Variants in RPRD1B observed in about 807,000 individuals in gnomAD.
The protein encoded by RPRD1B is regulation of nuclear pre-mRNA domain containing 1B.
RPRD1B carries 11 observed loss-of-function variants against 41.5 expected under a neutral mutation model. The ratio of observed to expected loss-of-function variants is 0.27; its 90% CI spans 0.17 to 0.44. The LOEUF is 0.44. Ranked by LOEUF, RPRD1B falls within the 20% of genes least tolerant of loss-of-function variation. The probability of loss-of-function intolerance (pLI) is 1.00; values close to 1 mark genes in which losing one functional copy is unlikely to be tolerated. For synonymous variants in RPRD1B, 158 were observed against 155.6 expected, an observed-to-expected ratio of 1.02 and a Z score of -0.12; for missense variants, 248 against 389.9, an observed-to-expected ratio of 0.64 and a Z score of 3.06.
intron 5 of RPRD1B, among the ~76,000 whole-genome samples, chr20:38,061,234 T>C (rs1254123585): frequency 6.6e-6 from 1 of 152,356 alleles, no homozygotes; most frequent in East Asian, 1.9e-4. Flanking sequence ...TCCAGAGTTC[T>C]TTTCGTCTTG....
intron 5 of RPRD1B, among the ~76,000 whole-genome samples, chr20:38,061,995 C>T (rs1460693916): frequency 6.6e-6 from 1 of 151,972 alleles, no homozygotes; most frequent in Non-Finnish European, 1.5e-5. Flanking sequence ...TTAAGAGGGC[C>T]CAGTGTAATC....
chr20:38,056,748 T>C (rs1405049054), intron 3 of RPRD1B, among the ~76,000 whole-genome samples: 1 of 152,268 alleles, frequency 6.6e-6, no homozygotes, highest in African/African-American at 2.4e-5. Context: ...AAGGAAACTA[T>C]TGCAATGCCA....
intron 2 of RPRD1B, among the ~76,000 whole-genome samples, chr20:38,045,407 T>C (rs960037542): frequency 1.3e-5 from 2 of 152,254 alleles, no homozygotes; most frequent in African/African-American, 2.4e-5. Context: ...ACCTAATCAG[T>C]AGAAAGATTT....
chr20:38,048,584 T>C (rs2074145148), intron 3 of RPRD1B, 103 bp downstream of exon 3: 17 of 1,491,488 alleles, frequency 1.1e-5, no homozygotes, highest in Non-Finnish European at 1.5e-5. Flanking sequence ...AGCGATTTTA[T>C]GATTCTTCAG....
rs766109445 is a variant in RPRD1B, at chr20:38,086,946, G to T, written c.832-2780G>T. 2.6e-4 allele frequency among the ~76,000 whole-genome samples: 40 copies of T among 151,836 alleles called. 1 individual carries two copies. Among genetic ancestry groups the T allele is most frequent in the South Asian group, 8.3e-4 (4 of 4,794 alleles). On this transcript the variant is annotated intron_variant, in intron 6 of 6. Coordinates refer to ENST00000373433, the MANE Select transcript of RPRD1B (RefSeq NM_021215.4). ...AACAACTGTTGTTTGGTTTTTTGGG[G>T]TTTTTTTTGTTTTTTTGTTTATTTT...
chr20:38,064,444 C>T (rs1336242100), intron 5 of RPRD1B, among the ~76,000 whole-genome samples: 1 of 152,214 alleles, frequency 6.6e-6, no homozygotes, highest in Non-Finnish European at 1.5e-5. Context: ...TAGGGAATGT[C>T]ATGGAACTGT....
At chr20:38,035,529 T>C (rs2073993287) in intron 1 of RPRD1B, among the ~76,000 whole-genome samples, 1 of 152,182 alleles carries the variant, frequency 6.6e-6, no homozygotes, top group Non-Finnish European at 1.5e-5. Context: ...GTTCTAGCCC[T>C]TTAGCAGGGA....
At chr20:38,039,442 T>A (rs2074040623) in intron 1 of RPRD1B, among the ~76,000 whole-genome samples, 1 of 152,026 alleles carries the variant, frequency 6.6e-6, no homozygotes, top group South Asian at 2.1e-4. Context: ...TTTGCTCTTG[T>A]TGCCCAGGCT....
chr20:38,076,905 C>CTTTTTTTTT (rs1568660539), intron 6 of RPRD1B, among the ~76,000 whole-genome samples: 8 of 95,204 alleles, frequency 8.4e-5, no homozygotes, highest in African/African-American at 2.9e-4. Context: ...TCATTCTGGA[C>CTTTTTTTTT]CTTTTTTTTT....
intron 5 of RPRD1B, among the ~76,000 whole-genome samples, chr20:38,062,156 A>G (rs2074304195): frequency 6.6e-6 from 1 of 152,160 alleles, no homozygotes; most frequent in African/African-American, 2.4e-5. Flanking sequence ...AAGCCACTAA[A>G]TTTGTGGTAA....
chr20:38,085,717 A>G (rs1350329866), intron 6 of RPRD1B: 1 of 152,390 alleles, frequency 6.6e-6, no homozygotes, highest in Non-Finnish European at 1.5e-5. Context: ...CCCAAAGAGA[A>G]TAACCTGGAA....
intron 5 of RPRD1B, among the ~76,000 whole-genome samples, chr20:38,063,996 C>G (rs2074327524): frequency 6.6e-6 from 1 of 152,060 alleles, no homozygotes; most frequent in Non-Finnish European, 1.5e-5. Flanking sequence ...TAGTATTTGC[C>G]ATTTTTTGCC....
At chr20:38,059,637 G>C in intron 5 of RPRD1B, 117 bp downstream of exon 5, 1 of 978,706 alleles carries the variant, frequency 1.0e-6, no homozygotes, top group Non-Finnish European at 1.4e-6. Flanking sequence ...TGTATTGGTT[G>C]CTCTACCATC....
At position 38,090,169 on chromosome 20, in the gene RPRD1B, T is replaced by G; in HGVS notation, c.*294T>G. The G allele has an allele frequency of 1.8e-6, 2 of 1,086,050 alleles. No individual in the cohort carries two copies. Among genetic ancestry groups the G allele is most frequent in the Non-Finnish European group, 2.2e-6 (2 of 893,554 alleles). The allele number at this position is 1,086,050 out of a possible 1,614,324, so 67.3% of individuals were successfully genotyped here. On this transcript the variant is annotated 3_prime_UTR_variant, in exon 7 of 7. Coordinates refer to ENST00000373433, the MANE Select transcript of RPRD1B (RefSeq NM_021215.4). Reference sequence around the variant, plus strand: ...TTTTCCATTCTTAACTGTCTCCTTATACCTAAGAAGTTATGAAAATCATGT... The same window carrying G: ...TTTTCCATTCTTAACTGTCTCCTTAGACCTAAGAAGTTATGAAAATCATGT...
At chr20:38,049,063 C>T (rs1441687891) in intron 3 of RPRD1B, among the ~76,000 whole-genome samples, 3 of 152,036 alleles carry the variant, frequency 2.0e-5, no homozygotes, top group Non-Finnish European at 4.4e-5. Flanking sequence ...CATTCTCCTG[C>T]CCCAGCCTCC....
rs1229496393 is a variant in RPRD1B at position 38,090,969 on chromosome 20, G to C, written c.*1094G>C. 2.0e-6 allele frequency: 2 copies of C among 985,336 alleles called. No individual in the cohort carries two copies. The highest frequency in any genetic ancestry group is 2.4e-6 in the Non-Finnish European group (2 of 829,944). 61.0% of individuals were successfully genotyped at this position (985,336 alleles called of 1,614,324 possible). ...TGCGTCAGATGTTATTGAATAGCTCGTCTCGGGCAGGGGAAGCGGGGAGTT... is the reference window on the plus strand; with the variant it reads ...TGCGTCAGATGTTATTGAATAGCTCCTCTCGGGCAGGGGAAGCGGGGAGTT... On this transcript the variant is annotated 3_prime_UTR_variant, in exon 7 of 7. Transcript: ENST00000373433.
intron 6 of RPRD1B, among the ~76,000 whole-genome samples, chr20:38,087,927 G>A (rs759967133): frequency 3.3e-5 from 5 of 152,204 alleles, no homozygotes; most frequent in Non-Finnish European, 7.3e-5. Context: ...GCGGAGCCTG[G>A]TGGATGCTGG....
intron 6 of RPRD1B, among the ~76,000 whole-genome samples, chr20:38,074,700 C>T (rs1341994191): frequency 1.3e-5 from 2 of 152,202 alleles, no homozygotes; most frequent in Non-Finnish European, 2.9e-5. Flanking sequence ...CTTATTACTC[C>T]TGCCTGCCAG....
chr20:38,075,196 C>T (rs1216596175), intron 6 of RPRD1B, among the ~76,000 whole-genome samples: 1 of 152,242 alleles, frequency 6.6e-6, no homozygotes, highest in East Asian at 1.9e-4. Context: ...ATTTCACGGT[C>T]TCTGCCACCA....
Sources: allele counts gnomAD v4.1 joint callset (sites outside exome capture counted in the v4.1 genomes callset), GRCh38; gene constraint gnomAD v4.1.1; transcripts MANE v1.5; gene names NCBI Gene and HGNC (gene_info 2026-07-23, HGNC 2026-07-21).